ANKS1B: variants seen among roughly 807,000 people sequenced by gnomAD.
ANKS1B encodes ankyrin repeat and sterile alpha motif domain-containing protein 1B.
A neutral mutation model predicts 148.3 loss-of-function variants in ANKS1B; 36 were observed. The observed-to-expected ratio is 0.24, with a 90% CI of 0.19 to 0.32. The LOEUF (loss-of-function observed/expected upper bound fraction) is 0.32. Among genes scored for constraint, ANKS1B ranks in the 10% least tolerant of loss-of-function variants. ANKS1B has a pLI of 1.00. For synonymous variants in ANKS1B, 542 were observed against 560.8 expected (o/e 0.97, Z 0.47); for missense variants, 1,157 against 1,542.6 (o/e 0.75, Z 4.19).
chr12:99,063,358 C>A (rs1372968292), intron 16 of ANKS1B, among the ~76,000 whole-genome samples: 1 of 152,174 alleles, frequency 6.6e-6, no homozygotes, highest in Non-Finnish European at 1.5e-5. Context: ...TAAACGAGGA[C>A]AAGCAGTGCT....
intron 10 of ANKS1B, among the ~76,000 whole-genome samples, chr12:99,468,904 T>G (rs900571467): frequency 1.3e-5 from 2 of 152,054 alleles, no homozygotes; most frequent in Non-Finnish European, 2.9e-5. Flanking sequence ...GATCTAGAAC[T>G]AGAAATACCA....
At chr12:99,809,515 G>A (rs2068068314) in intron 3 of ANKS1B, among the ~76,000 whole-genome samples, 2 of 152,006 alleles carry the variant, frequency 1.3e-5, no homozygotes, top group South Asian at 2.1e-4. Flanking sequence ...GAAGGATGTG[G>A]CAATTATAAA....
At chr12:98,877,309 A>G (rs557903728) in intron 17 of ANKS1B, among the ~76,000 whole-genome samples, 1 of 152,342 alleles carries the variant, frequency 6.6e-6, no homozygotes, top group Non-Finnish European at 1.5e-5. Context: ...TGAGATAAGA[A>G]ATCTCTCCAA....
At chr12:99,890,675 T>C (rs2153747510) in intron 1 of ANKS1B, among the ~76,000 whole-genome samples, 1 of 148,778 alleles carries the variant, frequency 6.7e-6, no homozygotes, top group East Asian at 2.1e-4. Flanking sequence ...ATACCATTAT[T>C]TAAACACAGA....
At chr12:99,784,697 T>C (rs1212923603) in intron 4 of ANKS1B, among the ~76,000 whole-genome samples, 4 of 152,224 alleles carry the variant, frequency 2.6e-5, no homozygotes, top group African/African-American at 9.6e-5. Context: ...CGCCTGAGAT[T>C]AGGCCATAGA....
At chr12:99,018,565 T>C (rs2099943921) in intron 17 of ANKS1B, among the ~76,000 whole-genome samples, 1 of 152,196 alleles carries the variant, frequency 6.6e-6, no homozygotes, top group African/African-American at 2.4e-5. Context: ...ATTACTAGGT[T>C]TGGTCTTGGG....
intron 17 of ANKS1B, among the ~76,000 whole-genome samples, chr12:99,050,690 C>CTTTTTTTTT (rs62812561): frequency 4.4e-5 from 5 of 113,554 alleles, no homozygotes; most frequent in Non-Finnish European, 6.9e-5. Flanking sequence ...TTTTCTTTTT[C>CTTTTTTTTT]TTTTTTTTTT....
At chr12:99,980,866 A>C (rs1368175496) in intron 1 of ANKS1B, among the ~76,000 whole-genome samples, 3 of 152,042 alleles carry the variant, frequency 2.0e-5, no homozygotes, top group Non-Finnish European at 4.4e-5. Context: ...ATTTTAGCTC[A>C]ATGAAAAGAA....
intron 9 of ANKS1B, among the ~76,000 whole-genome samples, chr12:99,521,093 T>A (rs980508026): frequency 1.3e-5 from 2 of 152,096 alleles, no homozygotes; most frequent in Non-Finnish European, 2.9e-5. Flanking sequence ...CTGTTCCTGG[T>A]CTGACTGTGT....
At chr12:98,886,549 G>A (rs1021342834) in intron 17 of ANKS1B, among the ~76,000 whole-genome samples, 1 of 152,184 alleles carries the variant, frequency 6.6e-6, no homozygotes, top group Non-Finnish European at 1.5e-5. Context: ...AGGTAACAAT[G>A]TAAGTAGAAT....
chr12:99,929,466 T>C (rs2094557997), intron 1 of ANKS1B, among the ~76,000 whole-genome samples: 1 of 152,220 alleles, frequency 6.6e-6, no homozygotes, highest in African/African-American at 2.4e-5. Flanking sequence ...ACTCTGATGG[T>C]AGTTTCTTTT....
intron 1 of ANKS1B, among the ~76,000 whole-genome samples, chr12:99,979,986 C>A (rs560700277): frequency 1.3e-5 from 2 of 151,492 alleles, no homozygotes; most frequent in South Asian, 4.2e-4. Context: ...GAAGTTAATA[C>A]GCTGAAAGAC....
At chr12:99,439,902 G>T (rs184477591) in intron 11 of ANKS1B, among the ~76,000 whole-genome samples, 3 of 151,748 alleles carry the variant, frequency 2.0e-5, no homozygotes, top group African/African-American at 7.2e-5. Context: ...TCAATCAACA[G>T]GAGAATTAAT....
intron 8 of ANKS1B, among the ~76,000 whole-genome samples, chr12:99,690,847 G>T (rs1474816998): frequency 6.6e-6 from 1 of 152,210 alleles, no homozygotes; most frequent in Non-Finnish European, 1.5e-5. Context: ...ACTAGGCACT[G>T]CCCCAGTGGG....
chr12:99,494,590 G>A lies in ANKS1B; in HGVS notation c.1438+9886C>T, dbSNP rs536875397. Among the ~76,000 whole-genome samples the A allele has an allele frequency of 2.8e-3, 428 of 151,780 alleles. 2 individuals are homozygous for A. Among genetic ancestry groups the A allele is most frequent in the African/African-American group, 9.9e-3 (410 of 41,386 alleles). On this transcript the variant is annotated intron_variant, in intron 10 of 26. Transcript: ENST00000683438. ...CTACTAAAAATACAAAAAATTAGCC[G>A]GGCGTGGTGGCGGGCGCCTGTAGTC...
At position 98,981,010 on chromosome 12, in the gene ANKS1B, AT is replaced by A. The variant is rs893307063; in HGVS notation, c.2778+72146del. 2.7e-4 allele frequency among the ~76,000 whole-genome samples: 40 copies of A among 146,814 alleles called. No individual in the cohort carries two copies. The South Asian group carries it at 3.0e-3, about 11-fold the overall frequency. ...TGCACCATATATTTTGTTCAGTTAA[AT>A]TTTTTTTTTTTAGGCCAGGCATGGT... On this transcript the variant is annotated intron_variant, in intron 17 of 26. Transcript: ENST00000683438.
At position 99,856,956 on chromosome 12, in the gene ANKS1B, A is replaced by C. The variant is rs115982858; in HGVS notation, c.135-31567T>G. 7.9e-3 allele frequency among the ~76,000 whole-genome samples: 1,209 copies of C among 152,200 alleles called. 14 individuals are homozygous for C. The highest frequency in any genetic ancestry group is 0.028 in the African/African-American group (1,144 of 41,544). The stretch of plus-strand genomic sequence containing the variant: ...TGAACAGGAAAATGTTGAAAGCATT[A>C]CTGCTAAGAACTGGAACATGACAAG... On this transcript the variant is annotated intron_variant, in intron 1 of 26. Coordinates refer to ENST00000683438, the MANE Select transcript of ANKS1B (RefSeq NM_001352186.2).
intron 14 of ANKS1B, among the ~76,000 whole-genome samples, chr12:99,242,486 T>A (rs533900608): frequency 2.0e-5 from 3 of 152,170 alleles, no homozygotes; most frequent in Non-Finnish European, 4.4e-5. Context: ...ATTTATAGAT[T>A]CAATGCTATC....
chr12:99,333,828 G>A (rs1274355574), intron 12 of ANKS1B, among the ~76,000 whole-genome samples: 1 of 139,894 alleles, frequency 7.1e-6, no homozygotes, highest in Non-Finnish European at 1.5e-5. Context: ...TAGGTAGGGA[G>A]ATCAAAGTCA....
Sources: allele counts gnomAD v4.1 joint callset (sites outside exome capture counted in the v4.1 genomes callset), GRCh38; gene constraint gnomAD v4.1.1; transcripts MANE v1.5; gene names NCBI Gene and HGNC (gene_info 2026-07-23, HGNC 2026-07-21).